The following LTF variants were observed in gnomAD, a reference collection of about 807,000 sequenced individuals.
LTF encodes the protein epididymis luminal protein 110.
A neutral mutation model predicts 87.2 loss-of-function variants in LTF; 91 were observed. That is an observed-to-expected ratio of 1.04 (90% CI 0.88 to 1.24). The LOEUF is 1.24. LTF is among the 50% of genes most tolerant of loss of function. LTF has a pLI of 0.00. For synonymous variants in LTF, 378 were observed against 356.1 expected (o/e 1.06, Z -0.69); for missense variants, 901 against 904.3 (o/e 1.00, Z 0.05).
chr3:46,436,534 C>T (rs1043434281), intron 16 of LTF, among the ~76,000 whole-genome samples: 2 of 152,204 alleles, frequency 1.3e-5, no homozygotes, highest in African/African-American at 4.8e-5. Context: ...CATTGGTGGT[C>T]CTCTAGCTTC....
chr3:46,451,842 G>T (rs543757888), intron 6 of LTF, among the ~76,000 whole-genome samples: 1 of 152,248 alleles, frequency 6.6e-6, no homozygotes, highest in South Asian at 2.1e-4. Flanking sequence ...TGATCCACCC[G>T]CCTCAGTCTC....
At chr3:46,455,507 C>G in intron 4 of LTF, 65 bp from the exon 5 acceptor site, 1 of 1,598,222 alleles carries the variant, frequency 6.3e-7, no homozygotes. Flanking sequence ...GGTTACACCT[C>G]CCATCCTGAG....
intron 16 of LTF, 27 bp downstream of exon 16, chr3:46,437,913 C>T (rs370769163): frequency 1.8e-5 from 29 of 1,602,382 alleles, no homozygotes; most frequent in Middle Eastern, 1.7e-4. Flanking sequence ...GGTGGTTTCT[C>T]GGGGATGCTA....
chr3:46,445,515 GC>G, intron 11 of LTF, 79 bp from the exon 12 acceptor site: 1 of 1,350,134 alleles, frequency 7.4e-7, no homozygotes, highest in Non-Finnish European at 1.0e-6. Context: ...GCTGTCTACA[GC>G]CCAGGCCAAA....
intron 1 of LTF, among the ~76,000 whole-genome samples, chr3:46,474,259 T>C (rs1291969979): frequency 2.0e-5 from 3 of 152,028 alleles, no homozygotes; most frequent in South Asian, 2.1e-4. Flanking sequence ...AGTAAAATGA[T>C]AGAAAAACAT....
chr3:46,436,150 G>A lies in LTF; in HGVS notation c.*45C>T. On this transcript the variant is annotated 3_prime_UTR_variant, in exon 17 of 17. Transcript: ENST00000231751. ...CCTGGGGAGAAGAGCTGGGGGCAGT[G>A]AATGGCTGAGGCTTTCTTGGGGAGC... The A allele has an allele frequency of 6.2e-7, 1 of 1,607,278 alleles. No individual in the cohort carries two copies. The highest frequency in any genetic ancestry group is 2.2e-5 in the East Asian group (1 of 44,860).
intron 12 of LTF, among the ~76,000 whole-genome samples, chr3:46,444,767 C>T (rs989307650): frequency 6.6e-6 from 1 of 152,198 alleles, no homozygotes; most frequent in Non-Finnish European, 1.5e-5. Context: ...GTGGCTGATG[C>T]TGACTAGGAT....
intron 2 of LTF, 88 bp from the exon 3 acceptor site, chr3:46,456,486 G>T: frequency 2.9e-6 from 3 of 1,037,750 alleles, no homozygotes; most frequent in Non-Finnish European, 4.4e-6. Flanking sequence ...AGTCTCCATG[G>T]CTGGAAGGGT....
chr3:46,441,934 A>AGAGGGT (rs1456655226), intron 13 of LTF: 1 of 59,002 alleles, frequency 1.7e-5, no homozygotes, highest in Non-Finnish European at 3.4e-5. Flanking sequence ...AGAGAGAGAG[A>AGAGGGT]GTGTGTGTGT....
intron 11 of LTF, among the ~76,000 whole-genome samples, chr3:46,446,231 G>C (rs1702650516): frequency 6.6e-6 from 1 of 152,116 alleles, no homozygotes; most frequent in African/African-American, 2.4e-5. Flanking sequence ...GGGACTATAT[G>C]GATGTTCTTT....
chr3:46,455,825 C>G lies in LTF; in HGVS notation c.470G>C (p.Trp157Ser). The change falls in exon 4 of 17, where the codon TGG becomes TCG. Residue 157 changes from tryptophan (W) to serine (S), a missense_variant. Physicochemically the swap from Trp to Ser is radical, Grantham distance 177. Coordinates refer to ENST00000231751, the MANE Select transcript of LTF (RefSeq NM_002343.6). ...PIGTLRPFLN[W>S]TGPPEPIEAA... Reference sequence around the variant, plus strand: ...CTCAATGGGCTCAGGTGGACCCGTCCAATTCAAGAATGGACGAAGTGTCCC... The same window carrying G: ...CTCAATGGGCTCAGGTGGACCCGTCGAATTCAAGAATGGACGAAGTGTCCC... 6.3e-7 allele frequency: 1 copy of G among 1,592,250 alleles called. No individual in the cohort carries two copies. The highest frequency in any genetic ancestry group is 8.6e-7 in the Non-Finnish European group (1 of 1,169,354).
intron 15 of LTF, 62 bp downstream of exon 15, chr3:46,439,234 A>G (rs1264521760): frequency 3.8e-5 from 57 of 1,484,626 alleles, no homozygotes; most frequent in Non-Finnish European, 4.9e-5. Context: ...TAGCTCTGTG[A>G]TCTCCTCACC....
chr3:46,439,418 C>G lies in LTF; in HGVS notation c.1786G>C (p.Asp596His), dbSNP rs139367879. ...KLADFALLCLDGKRKPVTEAR... is the reference protein window; with the variant it reads ...KLADFALLCLHGKRKPVTEAR... Reference sequence around the variant, plus strand: ...TCAGTCACAGGCTTCCGTTTGCCATCGAGGCACAGCAGCGCAAAGTCTGCC... The same window carrying G: ...TCAGTCACAGGCTTCCGTTTGCCATGGAGGCACAGCAGCGCAAAGTCTGCC... The change falls in exon 15 of 17, where the codon GAT becomes CAT. Residue 596 changes from aspartate (D) to histidine (H), a missense_variant. Coordinates refer to ENST00000231751, the MANE Select transcript of LTF (RefSeq NM_002343.6). 4 of 1,614,176 alleles carry G rather than the reference C, an allele frequency of 2.5e-6. No individual in the cohort carries two copies. The highest frequency in any genetic ancestry group is 3.4e-6 in the Non-Finnish European group (4 of 1,180,010).
chr3:46,457,793 T>G (rs911145891), intron 2 of LTF, among the ~76,000 whole-genome samples: 2 of 152,170 alleles, frequency 1.3e-5, no homozygotes, highest in African/African-American at 2.4e-5. Flanking sequence ...ATTCTTTTAT[T>G]TATTTATTTT....
chr3:46,478,676 C>T (rs1216971023), intron 1 of LTF, among the ~76,000 whole-genome samples: 1 of 152,072 alleles, frequency 6.6e-6, no homozygotes, highest in Non-Finnish European at 1.5e-5. Context: ...AGTGGGTGGG[C>T]CTGGGGACCT....
At chr3:46,442,827 C>T (rs935590487) in intron 13 of LTF, among the ~76,000 whole-genome samples, 9 of 152,182 alleles carry the variant, frequency 5.9e-5, no homozygotes, top group African/African-American at 1.9e-4. Flanking sequence ...CCTCTCTGCA[C>T]CCTTCACACT....
rs567194337 is a variant in LTF, at chr3:46,480,506, G to A, written c.-320+4480C>T. Among the ~76,000 whole-genome samples, 10 of 152,302 alleles carry A rather than the reference G, an allele frequency of 6.6e-5. No individual in the cohort carries two copies. In the East Asian group the frequency reaches 1.5e-3, roughly 24 times the overall value. On this transcript the variant is annotated intron_variant, in intron 1 of 19. Transcript: ENST00000443496. ...TTCCTTCCTTGCTCGTGGACCCAGA[G>A]AGGCACTAAAGCTTTTCTCTGCATG...
chr3:46,481,943 A>T (rs1004132098), intron 1 of LTF, among the ~76,000 whole-genome samples: 18 of 152,258 alleles, frequency 1.2e-4, no homozygotes, highest in African/African-American at 4.3e-4. Flanking sequence ...TTATTGAAAA[A>T]ATAAAAACTA....
intron 5 of LTF, among the ~76,000 whole-genome samples, chr3:46,455,007 G>A (rs1365264158): frequency 1.3e-5 from 2 of 152,212 alleles, no homozygotes; most frequent in African/African-American, 4.8e-5. Context: ...CAGGACAACA[G>A]GGCAGCCAAG....
Sources: gnomAD v4.1 joint callset for allele counts (sites outside exome capture counted in the v4.1 genomes callset) on GRCh38, gnomAD v4.1.1 for gene constraint, MANE v1.5 for transcripts, NCBI Gene and HGNC (gene_info 2026-07-23, HGNC 2026-07-21) for gene names.